CNTNAP4: variants seen among roughly 807,000 people sequenced by gnomAD.
CNTNAP4 encodes contactin associated protein family member 4, also known as contactin-associated protein-like 4.
In CNTNAP4, 98 loss-of-function variants were observed where a neutral mutation model predicts 148.4. The ratio of observed to expected loss-of-function variants is 0.66; its 90% CI spans 0.56 to 0.78. The LOEUF is 0.78. CNTNAP4 is among the 30% of genes least tolerant of loss of function. The pLI is 0.00. For synonymous variants in CNTNAP4, 730 were observed against 565.1 expected, an observed-to-expected ratio of 1.29 and a Z score of -4.14; for missense variants, 1,935 against 1,565.6, an observed-to-expected ratio of 1.24 and a Z score of -3.98.
At chr16:76,475,160 G>T (rs1049784401) in intron 10 of CNTNAP4, among the ~76,000 whole-genome samples, 15 of 150,348 alleles carry the variant, frequency 1.0e-4, no homozygotes, top group African/African-American at 3.8e-4. Context: ...TGGGGCAACA[G>T]AGTGAGCAGC....
At chr16:76,402,854 T>G (rs77378304) in intron 3 of CNTNAP4, among the ~76,000 whole-genome samples, 6,306 of 152,268 alleles carry the variant, frequency 0.041, 461 homozygotes, top group African/African-American at 0.15. Flanking sequence ...TGCATGGTTT[T>G]GAGCGATTTT....
intron 2 of CNTNAP4, among the ~76,000 whole-genome samples, chr16:76,344,188 A>T (rs1347567416): frequency 1.3e-5 from 2 of 151,630 alleles, no homozygotes; most frequent in Admixed American, 6.6e-5. Context: ...GTGAAAATAC[A>T]TACATACACA....
intron 4 of CNTNAP4, among the ~76,000 whole-genome samples, chr16:76,429,549 C>G (rs1266482372): frequency 6.6e-6 from 1 of 152,212 alleles, no homozygotes; most frequent in South Asian, 2.1e-4. Flanking sequence ...ATGCATTAAA[C>G]CTAGGATATA....
chr16:76,461,855 A>T, intron 8 of CNTNAP4, 101 bp from the exon 9 acceptor site: 1 of 920,348 alleles, frequency 1.1e-6, no homozygotes, highest in Non-Finnish European at 1.7e-6. Context: ...AATAGAGTTA[A>T]GTACTGTAGC....
At chr16:76,324,315 G>C (rs1432597561) in intron 2 of CNTNAP4, among the ~76,000 whole-genome samples, 32 of 152,150 alleles carry the variant, frequency 2.1e-4, no homozygotes, top group Admixed American at 2.1e-3. Context: ...ATTTCTTTTA[G>C]TATCCATCTG....
At chr16:76,287,793 A>G (rs1382026855) in intron 1 of CNTNAP4, 1 of 152,116 alleles carries the variant, frequency 6.6e-6, no homozygotes, top group African/African-American at 2.4e-5. Flanking sequence ...CCTACTACAC[A>G]TATTATTGTA....
intron 3 of CNTNAP4, among the ~76,000 whole-genome samples, chr16:76,408,430 C>T (rs1400029757): frequency 4.4e-5 from 6 of 136,244 alleles, no homozygotes; most frequent in African/African-American, 2.2e-4. Flanking sequence ...CACCCACATT[C>T]ACTAGATACA....
chr16:76,402,179 G>T (rs1380042137), intron 3 of CNTNAP4, among the ~76,000 whole-genome samples: 1 of 151,952 alleles, frequency 6.6e-6, no homozygotes, highest in Non-Finnish European at 1.5e-5. Flanking sequence ...GCCCTTTTTG[G>T]TCGGTAGGCT....
intron 2 of CNTNAP4, among the ~76,000 whole-genome samples, chr16:76,327,842 A>AGT (rs925688626): frequency 3.3e-5 from 5 of 152,168 alleles, no homozygotes; most frequent in Admixed American, 1.3e-4. Flanking sequence ...GCTGCTCAGA[A>AGT]GTGTGTGTGG....
At chr16:76,309,806 C>G in intron 1 of CNTNAP4, 1 of 699,270 alleles carries the variant, frequency 1.4e-6, no homozygotes, top group East Asian at 2.7e-5. Context: ...GAGTAAGTGT[C>G]ATGAGATCTG....
intron 15 of CNTNAP4, among the ~76,000 whole-genome samples, chr16:76,518,847 C>T (rs1302084097): frequency 2.0e-5 from 3 of 152,146 alleles, no homozygotes; most frequent in Non-Finnish European, 2.9e-5. Flanking sequence ...TTCCTCTTTT[C>T]CCCCTCCGCC....
At chr16:76,371,024 C>T (rs990229998) in intron 3 of CNTNAP4, among the ~76,000 whole-genome samples, 1 of 152,088 alleles carries the variant, frequency 6.6e-6, no homozygotes, top group Non-Finnish European at 1.5e-5. Context: ...AAATGCTGAA[C>T]CATTGGTTTA....
chr16:76,382,342 T>A (rs1412187352), intron 3 of CNTNAP4, among the ~76,000 whole-genome samples: 2 of 152,114 alleles, frequency 1.3e-5, no homozygotes, highest in African/African-American at 2.4e-5. Context: ...TAAAGTGACT[T>A]TAAAACAGTA....
chr16:76,412,127 G>T (rs547125946), intron 3 of CNTNAP4, among the ~76,000 whole-genome samples: 1 of 151,290 alleles, frequency 6.6e-6, no homozygotes, highest in African/African-American at 2.4e-5. Flanking sequence ...GTCTACATAG[G>T]TATAACTGAT....
intron 4 of CNTNAP4, among the ~76,000 whole-genome samples, chr16:76,440,899 A>T (rs754170510): frequency 3.3e-5 from 5 of 152,142 alleles, no homozygotes; most frequent in Non-Finnish European, 5.9e-5. Flanking sequence ...AGAAGCCTCA[A>T]ACTTCTGGAG....
In CNTNAP4 at chr16:76,343,764, A is replaced by G. The variant is rs115988452; in HGVS notation, c.197-11554A>G. Among the ~76,000 whole-genome samples, 235 of 152,166 alleles carry G rather than the reference A, an allele frequency of 1.5e-3. 1 individual carries two copies. The highest frequency in any genetic ancestry group is 5.3e-3 in the African/African-American group (221 of 41,524). ...CATTTTTTTTTTGTCTGATGAGGTA[A>G]AGAAATCATTTAAAACACGTGTAAT... On this transcript the variant is annotated intron_variant, in intron 2 of 23. Coordinates refer to ENST00000611870, the MANE Select transcript of CNTNAP4 (RefSeq NM_033401.5).
intron 3 of CNTNAP4, among the ~76,000 whole-genome samples, chr16:76,385,795 G>A (rs912661872): frequency 6.6e-6 from 1 of 151,952 alleles, no homozygotes; most frequent in African/African-American, 2.4e-5. Flanking sequence ...TTAATATTGA[G>A]CTCATGGCCA....
intron 4 of CNTNAP4, among the ~76,000 whole-genome samples, chr16:76,431,389 G>T (rs879417628): frequency 2.0e-5 from 3 of 152,090 alleles, no homozygotes; most frequent in Non-Finnish European, 4.4e-5. Flanking sequence ...TCAGTAAAGG[G>T]GGAGGAAGGG....
chr16:76,461,486 C>A (rs1019592272), intron 8 of CNTNAP4, among the ~76,000 whole-genome samples: 1 of 152,104 alleles, frequency 6.6e-6, no homozygotes, highest in Non-Finnish European at 1.5e-5. Flanking sequence ...AACTTTATAC[C>A]TGTAAACTTT....
Sources: allele counts gnomAD v4.1 joint callset (sites outside exome capture counted in the v4.1 genomes callset), GRCh38; gene constraint gnomAD v4.1.1; transcripts MANE v1.5; gene names NCBI Gene and HGNC (gene_info 2026-07-23, HGNC 2026-07-21).